Variants in GABBR2 observed in about 807,000 individuals in gnomAD.
The protein encoded by GABBR2 is gamma-aminobutyric acid type B receptor subunit 2.
A neutral mutation model predicts 105.6 loss-of-function variants in GABBR2; 23 were observed. The ratio of observed to expected loss-of-function variants is 0.22; its 90% CI spans 0.16 to 0.31. The LOEUF (loss-of-function observed/expected upper bound fraction) is 0.31. GABBR2 is among the 10% of genes least tolerant of loss of function. GABBR2 has a pLI of 1.00. For synonymous variants in GABBR2, 478 were observed against 499.7 expected (o/e 0.96, Z 0.58); for missense variants, 734 against 1,245.5 (o/e 0.59, Z 6.18).
At chr9:98,441,801 C>T (rs1235397869) in intron 7 of GABBR2, among the ~76,000 whole-genome samples, 1 of 152,148 alleles carries the variant, frequency 6.6e-6, no homozygotes, top group Non-Finnish European at 1.5e-5. Flanking sequence ...ATGACTAAAA[C>T]AGTAAACATT....
At chr9:98,619,014 G>T (rs779213373) in intron 1 of GABBR2, among the ~76,000 whole-genome samples, 1 of 152,168 alleles carries the variant, frequency 6.6e-6, no homozygotes, top group East Asian at 1.9e-4. Flanking sequence ...AACATAAGTT[G>T]GTGGGGAAAA....
chr9:98,472,071 A>G (rs1400256720), intron 6 of GABBR2, among the ~76,000 whole-genome samples: 1 of 152,154 alleles, frequency 6.6e-6, no homozygotes, highest in Non-Finnish European at 1.5e-5. Context: ...TAATACATAA[A>G]ATTATATACA....
At chr9:98,424,179 C>T (rs184805447) in intron 7 of GABBR2, among the ~76,000 whole-genome samples, 4,647 of 152,110 alleles carry the variant, frequency 0.031, 132 homozygotes, top group East Asian at 0.15. Flanking sequence ...GTTCAATATA[C>T]GAAAATCAAT....
At chr9:98,545,489 C>T (rs907587315) in intron 2 of GABBR2, among the ~76,000 whole-genome samples, 23 of 152,168 alleles carry the variant, frequency 1.5e-4, no homozygotes, top group African/African-American at 5.6e-4. Flanking sequence ...TCATCTAGCT[C>T]TGGGGTTCTT....
chr9:98,696,074 C>T (rs1250163901), intron 1 of GABBR2, among the ~76,000 whole-genome samples: 2 of 152,150 alleles, frequency 1.3e-5, no homozygotes, highest in African/African-American at 4.8e-5. Flanking sequence ...TCAAATAATC[C>T]AACAAAAGTT....
chr9:98,311,209 T>C lies in GABBR2; in HGVS notation c.1894-4A>G. 1 of 1,597,500 alleles carries C rather than the reference T, an allele frequency of 6.3e-7. No homozygotes were observed. Among genetic ancestry groups the C allele is most frequent in the Non-Finnish European group, 8.6e-7 (1 of 1,165,038 alleles). ...TATCCCGTCCTGCTGGGTCCGGCTG[T>C]GCAAAGAGAAAACAGAGACTCAGGG... On this transcript the variant is annotated splice_region_variant and splice_polypyrimidine_tract_variant and intron_variant, in intron 13 of 18. Transcript: ENST00000259455.
At chr9:98,382,998 T>C (rs1288927560) in intron 11 of GABBR2, among the ~76,000 whole-genome samples, 1 of 152,136 alleles carries the variant, frequency 6.6e-6, no homozygotes, top group Non-Finnish European at 1.5e-5. Flanking sequence ...TGGGGTGCCA[T>C]GGCGTGATCT....
At chr9:98,605,859 T>C (rs966516985) in intron 1 of GABBR2, among the ~76,000 whole-genome samples, 2 of 152,156 alleles carry the variant, frequency 1.3e-5, no homozygotes, top group Non-Finnish European at 2.9e-5. Flanking sequence ...TGTGCCATGT[T>C]GGTGTGCTGC....
intron 1 of GABBR2, among the ~76,000 whole-genome samples, chr9:98,608,625 C>T (rs989200362): frequency 5.3e-5 from 8 of 152,164 alleles, no homozygotes; most frequent in African/African-American, 1.9e-4. Context: ...TGTTTTGACA[C>T]TTCCATTGTT....
intron 13 of GABBR2, among the ~76,000 whole-genome samples, chr9:98,325,746 G>C (rs969595904): frequency 6.6e-6 from 1 of 152,180 alleles, no homozygotes; most frequent in Non-Finnish European, 1.5e-5. Context: ...TTAGTTATCT[G>C]GCAGCCAAAC....
intron 13 of GABBR2, among the ~76,000 whole-genome samples, chr9:98,326,084 C>T (rs147859848): frequency 6.6e-6 from 1 of 152,282 alleles, no homozygotes; most frequent in East Asian, 1.9e-4. Flanking sequence ...CCTTAATGAT[C>T]TCACGACAAG....
At chr9:98,668,608 C>T (rs1830367326) in intron 1 of GABBR2, among the ~76,000 whole-genome samples, 1 of 151,618 alleles carries the variant, frequency 6.6e-6, no homozygotes, top group South Asian at 2.1e-4. Context: ...CCACCACCAC[C>T]ATCCATCTCT....
rs544422052 is a variant in GABBR2 at position 98,382,462 on chromosome 9, C to T, written c.1662+3178G>A. 3.3e-5 allele frequency among the ~76,000 whole-genome samples: 5 copies of T among 152,182 alleles called. No homozygotes were observed. In the East Asian group the frequency reaches 9.7e-4, roughly 30 times the overall value. On this transcript the variant is annotated intron_variant, in intron 11 of 18. Coordinates refer to ENST00000259455, the MANE Select transcript of GABBR2 (RefSeq NM_005458.8). Reference sequence around the variant, plus strand: ...CTGAGTAGCTGGGACTACAGGCGCCCGCCACCTCGCCCAGCTAATTTTTTG... The same window carrying T: ...CTGAGTAGCTGGGACTACAGGCGCCTGCCACCTCGCCCAGCTAATTTTTTG...
intron 2 of GABBR2, among the ~76,000 whole-genome samples, chr9:98,542,804 T>G (rs1445948960): frequency 1.3e-5 from 2 of 152,230 alleles, no homozygotes; most frequent in Non-Finnish European, 2.9e-5. Context: ...AATAAAACCC[T>G]GAATCATATC....
Position 98,295,920 on chromosome 9 carries a change from T to C in GABBR2, c.2543-2018A>G, listed in dbSNP as rs75922235. Among the ~76,000 whole-genome samples the C allele has an allele frequency of 6.0e-3, 914 of 152,330 alleles. 8 individuals are homozygous for C. The highest frequency in any genetic ancestry group is 0.02 in the African/African-American group (845 of 41,570). On this transcript the variant is annotated intron_variant, in intron 17 of 18. Transcript: ENST00000259455. Reference sequence around the variant, plus strand: ...GCTTGTGATGTCAGCCTGTGAGAGATTCCCAGGAACTAATCCTGTATAGGA... The same window carrying C: ...GCTTGTGATGTCAGCCTGTGAGAGACTCCCAGGAACTAATCCTGTATAGGA...
chr9:98,432,733 C>T (rs1825835361), intron 7 of GABBR2, among the ~76,000 whole-genome samples: 1 of 152,186 alleles, frequency 6.6e-6, no homozygotes, highest in South Asian at 2.1e-4. Flanking sequence ...GTCCTGAGCA[C>T]TCTGAGGGTC....
At chr9:98,380,368 C>G (rs1021902574) in intron 11 of GABBR2, among the ~76,000 whole-genome samples, 13 of 152,234 alleles carry the variant, frequency 8.5e-5, no homozygotes, top group African/African-American at 3.1e-4. Flanking sequence ...CCCCTTCTTA[C>G]TCCTCCCCCG....
chr9:98,611,016 A>G (rs183409603), intron 1 of GABBR2, among the ~76,000 whole-genome samples: 120 of 152,224 alleles, frequency 7.9e-4, no homozygotes, highest in Admixed American at 7.8e-3. Flanking sequence ...AACAAAAAAA[A>G]CAAGGTGCCT....
chr9:98,606,963 G>A, intron 1 of GABBR2: 1 of 757,162 alleles, frequency 1.3e-6, no homozygotes. Context: ...GGCTCCGCCT[G>A]CATCCAAACC....
Sources: gnomAD v4.1 joint callset for allele counts (sites outside exome capture counted in the v4.1 genomes callset) on GRCh38, gnomAD v4.1.1 for gene constraint, MANE v1.5 for transcripts, NCBI Gene and HGNC (gene_info 2026-07-23, HGNC 2026-07-21) for gene names.